ZNF208: variants seen among roughly 807,000 people sequenced by gnomAD.
ZNF208 encodes zinc finger protein 208, also known as zinc finger protein 95.
ZNF208 carries 10 observed loss-of-function variants against 12.1 expected under a neutral mutation model. That is an observed-to-expected ratio of 0.83 (90% confidence interval 0.51 to 1.40). The LOEUF (loss-of-function observed/expected upper bound fraction) is 1.40, where lower values mean the gene tolerates loss of function less well. Ranked by LOEUF, ZNF208 falls within the 40% of genes most tolerant of loss-of-function variation. The probability of loss-of-function intolerance (pLI) is 0.00; values close to 1 mark genes in which losing one functional copy is unlikely to be tolerated. For synonymous variants in ZNF208, 497 were observed against 488.4 expected (o/e 1.02, Z -0.23); for missense variants, 1,652 against 1,485.0 (o/e 1.11, Z -1.85).
chr19:21,940,963 G>T (rs1969729276), intron 4 of ZNF208: 1 of 172,390 alleles, frequency 5.8e-6, no homozygotes, highest in Non-Finnish European at 1.2e-5. Flanking sequence ...CCCCGGGCTG[G>T]GCGACCGTGG....
chr19:21,941,900 TA>T (rs555889079), intron 4 of ZNF208, among the ~76,000 whole-genome samples: 4 of 148,834 alleles, frequency 2.7e-5, no homozygotes, highest in South Asian at 4.2e-4. Flanking sequence ...AAAGACAACG[TA>T]AAAAAAAAAC....
intron 4 of ZNF208, among the ~76,000 whole-genome samples, chr19:21,952,191 G>A (rs1969899990): frequency 6.6e-6 from 1 of 152,200 alleles, no homozygotes; most frequent in Admixed American, 6.5e-5. Flanking sequence ...AAGGCCTACT[G>A]CCTCTATAGA....
chr19:21,984,143 C>A (rs1214858683), intron 3 of ZNF208, among the ~76,000 whole-genome samples: 1 of 152,050 alleles, frequency 6.6e-6, no homozygotes, highest in Non-Finnish European at 1.5e-5. Context: ...TCTTGATAGA[C>A]CACCTCTTAA....
At chr19:22,005,089 T>G (rs1971022059) in intron 1 of ZNF208, among the ~76,000 whole-genome samples, 1 of 152,190 alleles carries the variant, frequency 6.6e-6, no homozygotes, top group Non-Finnish European at 1.5e-5. Flanking sequence ...AGGTTGCTAC[T>G]GCAGATTCAG....
intron 1 of ZNF208, among the ~76,000 whole-genome samples, chr19:22,003,171 A>C (rs1456008471): frequency 6.6e-6 from 1 of 152,184 alleles, no homozygotes; most frequent in Non-Finnish European, 1.5e-5. Context: ...ACACCATATA[A>C]AAAAATCAAC....
In ZNF208 at chr19:21,987,272, T is replaced by C. The variant is rs200947165; in HGVS notation, c.170A>G (p.Glu57Gly). The C allele has an allele frequency of 8.1e-6, 13 of 1,612,510 alleles. No individual in the cohort carries two copies. Among genetic ancestry groups the C allele is most frequent in the Non-Finnish European group, 1.0e-5 (12 of 1,179,448 alleles). Reference protein sequence around the residue: ...AFKPDLIIFLEEGKESWNMKR... With the variant: ...AFKPDLIIFLGEGKESWNMKR... The stretch of plus-strand genomic sequence containing the variant: ...CATATTCCAGGACTCTTTTCCTTCC[T>C]CCAGAAAAATGATCAGGTCTGGCTT... Residue 57 changes from glutamate to glycine, a missense_variant, in exon 3 of 4, where the codon GAG becomes GGG. By Grantham distance (98) the Glu-to-Gly change is moderately conservative (BLOSUM62 -2). Coordinates refer to ENST00000397126, the MANE Select transcript of ZNF208 (RefSeq NM_007153.3).
chr19:21,946,986 T>C (rs888069360), intron 4 of ZNF208, among the ~76,000 whole-genome samples: 23 of 152,120 alleles, frequency 1.5e-4, no homozygotes, highest in African/African-American at 5.6e-4. Flanking sequence ...TTCTTTTTTT[T>C]GGTACCTATA....
rs1337003691 is a variant in ZNF208 at position 21,969,261 on chromosome 19, T to C, written c.*1930A>G. 1.4e-5 allele frequency among the ~76,000 whole-genome samples: 2 copies of C among 145,368 alleles called. No individual in the cohort carries two copies. The highest frequency in any genetic ancestry group is 1.4e-4 in the Admixed American group (2 of 14,130). ...TGGCATCACAAAGTATTGGCCACAG[T>C]AAGCCAATGTGTCTGGAAAAAAAAA... is the stretch of plus-strand genomic sequence containing the variant. On this transcript the variant is annotated 3_prime_UTR_variant, in exon 4 of 4. Transcript: ENST00000397126.
intron 4 of ZNF208, among the ~76,000 whole-genome samples, chr19:21,950,301 A>G (rs1969870251): frequency 6.6e-6 from 1 of 152,088 alleles, no homozygotes; most frequent in Non-Finnish European, 1.5e-5. Flanking sequence ...AGAAGGCCCT[A>G]AAATAACCTC....
At chr19:21,996,216 T>A (rs544008682) in intron 1 of ZNF208, among the ~76,000 whole-genome samples, 4 of 152,008 alleles carry the variant, frequency 2.6e-5, no homozygotes, top group African/African-American at 9.7e-5. Flanking sequence ...AATATTCAAG[T>A]TGCCTGGAAT....
Position 21,966,207 on chromosome 19 carries a change from C to T in ZNF208, c.*4984G>A, listed in dbSNP as rs529663286. On this transcript the variant is annotated 3_prime_UTR_variant, in exon 4 of 4. Coordinates refer to ENST00000397126, the MANE Select transcript of ZNF208 (RefSeq NM_007153.3). ...GTTTGGATACTTAATAATTCCATTG[C>T]CCAAGTAGTGTACATCATACCTAAG... 2.6e-5 allele frequency: 4 copies of T among 152,164 alleles called. No homozygotes were observed. The highest frequency in any genetic ancestry group is 9.6e-5 in the African/African-American group (4 of 41,558). 9.4% of individuals were successfully genotyped at this position (152,164 alleles called of 1,614,324 possible). A position where few individuals can be genotyped will look rare whatever the true frequency, so the allele number is the denominator to read the frequency against.
intron 1 of ZNF208, among the ~76,000 whole-genome samples, chr19:22,001,442 T>C (rs755084703): frequency 3.3e-5 from 5 of 152,212 alleles, no homozygotes; most frequent in Non-Finnish European, 7.3e-5. Context: ...GAAGCTGATA[T>C]TATTTTTACT....
chr19:22,002,444 C>T (rs1265392228), intron 1 of ZNF208, among the ~76,000 whole-genome samples: 1 of 152,052 alleles, frequency 6.6e-6, no homozygotes, highest in African/African-American at 2.4e-5. Context: ...CATCTGGAAA[C>T]CCATATACTC....
chr19:21,987,754 C>A (rs1362629408), intron 2 of ZNF208, among the ~76,000 whole-genome samples: 3 of 152,154 alleles, frequency 2.0e-5, no homozygotes, highest in Non-Finnish European at 4.4e-5. Context: ...AGAAACTTTG[C>A]CTAAACCACC....
Position 21,987,292 on chromosome 19 carries a change from T to C in ZNF208, c.150A>G (p.Pro50=), listed in dbSNP as rs1970644626. 1 of 1,609,960 alleles carries C rather than the reference T, an allele frequency of 6.2e-7. No homozygotes were observed. The highest frequency in any genetic ancestry group is 8.5e-7 in the Non-Finnish European group (1 of 1,178,668). The change falls in exon 3 of 4, where the codon CCA becomes CCG. Residue 50 remains proline, a synonymous_variant. Transcript: ENST00000397126. ...CTTCCTCCAGAAAAATGATCAGGTC[T>C]GGCTTAAAGGCAGCAATACCTGTTT... ...LVFLGIAAFK[P]DLIIFLEEGK... is the part of the protein sequence containing the mutation.
chr19:21,977,589 G>A (rs1170389252), intron 3 of ZNF208, among the ~76,000 whole-genome samples: 2 of 152,164 alleles, frequency 1.3e-5, no homozygotes, highest in East Asian at 3.9e-4. Context: ...CTGCAGACCA[G>A]GAGATTCCCT....
chr19:21,954,733 C>A (rs1969945689), intron 4 of ZNF208, among the ~76,000 whole-genome samples: 1 of 152,146 alleles, frequency 6.6e-6, no homozygotes, highest in African/African-American at 2.4e-5. Flanking sequence ...TGTGTCTCTG[C>A]AGGTGAGATG....
At chr19:21,985,604 C>T (rs750324189) in intron 3 of ZNF208, among the ~76,000 whole-genome samples, 1 of 152,190 alleles carries the variant, frequency 6.6e-6, no homozygotes, top group Non-Finnish European at 1.5e-5. Context: ...TTTGAACTTA[C>T]TCTGTAACCA....
At chr19:21,975,910 AC>A (rs57233797) in intron 3 of ZNF208, among the ~76,000 whole-genome samples, 78,107 of 139,584 alleles carry the variant, frequency 0.56, 21,286 homozygotes, top group East Asian at 0.69. Context: ...GGGAAAAAAA[AC>A]AACTTTCAAA....
Sources: gnomAD v4.1 joint callset for allele counts (sites outside exome capture counted in the v4.1 genomes callset) on GRCh38, gnomAD v4.1.1 for gene constraint, MANE v1.5 for transcripts, NCBI Gene and HGNC (gene_info 2026-07-23, HGNC 2026-07-21) for gene names.